Variants in KDR observed in about 807,000 individuals in gnomAD.
The protein encoded by KDR is vascular endothelial growth factor receptor 2.
In KDR, 43 loss-of-function variants were observed where a neutral mutation model predicts 160.9. The ratio of observed to expected loss-of-function variants is 0.27; its 90% confidence interval spans 0.21 to 0.34. KDR has a LOEUF of 0.34. KDR is among the 10% of genes least tolerant of loss of function. The pLI, the probability that KDR is intolerant of heterozygous loss-of-function variation, is 1.00. For missense variants in KDR, 1,469 were observed against 1,666.4 expected (o/e 0.88, Z 2.06); for synonymous variants, 617 against 600.1 (o/e 1.03, Z -0.41).
At chr4:55,114,603 C>T (rs1007373244) in intron 5 of KDR, among the ~76,000 whole-genome samples, 5 of 152,218 alleles carry the variant, frequency 3.3e-5, no homozygotes, top group Non-Finnish European at 5.9e-5. Flanking sequence ...ATGCTCTGAA[C>T]ATTGAATTCT....
At chr4:55,099,088 T>C (rs1720243562) in intron 15 of KDR, among the ~76,000 whole-genome samples, 1 of 151,938 alleles carries the variant, frequency 6.6e-6, no homozygotes, top group African/African-American at 2.4e-5. Context: ...CAATCATAGC[T>C]TATTGCAGCC....
At position 55,107,740 on chromosome 4, in the gene KDR, G is replaced by C. The variant is rs1476714753; in HGVS notation, c.1409C>G (p.Pro470Arg). The C allele has an allele frequency of 6.2e-7, 1 of 1,613,848 alleles. No homozygotes were observed. The highest frequency in any genetic ancestry group is 8.5e-7 in the Non-Finnish European group (1 of 1,179,842). ...AAGAGCATGTGGCCTTACTCACCTG[G>C]GCTCGTTGGCGCACTCTTCCTCCAA... is the stretch of plus-strand genomic sequence containing the variant. ...WQLEEECANE[P>R]SQAVSVTNPY... is the part of the protein sequence containing the mutation. The change falls in exon 10 of 30, where the codon CCC becomes CGC. Residue 470 changes from proline to arginine, a missense_variant. Pro to Arg is a moderately radical substitution (Grantham distance 103). Coordinates refer to ENST00000263923, the MANE Select transcript of KDR (RefSeq NM_002253.4).
chr4:55,095,724 T>TTTATA (rs1466221157), intron 19 of KDR, 59 bp from the exon 20 acceptor site: 2 of 1,248,850 alleles, frequency 1.6e-6, no homozygotes, highest in Non-Finnish European at 2.4e-6. Flanking sequence ...TCACTAAGCG[T>TTTATA]TTAATATAGT....
At chr4:55,087,124 C>T (rs989897414) in intron 27 of KDR, among the ~76,000 whole-genome samples, 2 of 152,166 alleles carry the variant, frequency 1.3e-5, no homozygotes, top group African/African-American at 4.8e-5. Context: ...GTGGGAGGGG[C>T]TTCTGAGATG....
chr4:55,092,766 A>C lies in KDR; in HGVS notation c.2972-52T>G, dbSNP rs375082311. On this transcript the variant is annotated intron_variant, in intron 21 of 29. Transcript: ENST00000263923. ...ATCAGTATTTCCATGAGTTAGTGTGATGTTTCTAAGTTTGCTAGAGTAATA... is the reference window on the plus strand; with the variant it reads ...ATCAGTATTTCCATGAGTTAGTGTGCTGTTTCTAAGTTTGCTAGAGTAATA... 3.9e-6 allele frequency: 5 copies of C among 1,288,632 alleles called. No individual in the cohort carries two copies. The Middle Eastern group carries it at 5.5e-4, about 141-fold the overall frequency. 79.8% of individuals were successfully genotyped at this position (1,288,632 alleles called of 1,614,324 possible). A position where few individuals can be genotyped will look rare whatever the true frequency, so the allele number is the denominator to read the frequency against.
rs1414331016 is a variant in KDR, at chr4:55,090,082, C to CA, written c.3070-5dup. The CA allele has an allele frequency of 6.2e-7, 1 of 1,613,888 alleles. No homozygotes were observed. Among genetic ancestry groups the CA allele is most frequent in the Admixed American group, 1.7e-5 (1 of 60,002 alleles). ...CCGCCAGGTCCCTGTGGATACACTG[C>CA]AAAGAGAATCATGTGTGCATTAGGT... On this transcript the variant is annotated splice_polypyrimidine_tract_variant and splice_region_variant and intron_variant, in intron 22 of 29. Coordinates refer to ENST00000263923, the MANE Select transcript of KDR (RefSeq NM_002253.4).
rs1029284179 is a variant in KDR, at chr4:55,118,947, G to A, written c.162-147C>T. Reference sequence around the variant, plus strand: ...CTACCGGCCAGGCATGGTGGCTCATGCCTATAATCCCAGCACTTTGGGAGG... The same window carrying A: ...CTACCGGCCAGGCATGGTGGCTCATACCTATAATCCCAGCACTTTGGGAGG... On this transcript the variant is annotated intron_variant, in intron 2 of 29. Coordinates refer to ENST00000263923, the MANE Select transcript of KDR (RefSeq NM_002253.4). The A allele has an allele frequency of 6.9e-6, 5 of 722,488 alleles. No homozygotes were observed. The African/African-American group carries it at 7.0e-5, about 10-fold the overall frequency. 44.8% of individuals were successfully genotyped at this position (722,488 alleles called of 1,614,324 possible). A position where few individuals can be genotyped will look rare whatever the true frequency, so the allele number is the denominator to read the frequency against.
chr4:55,084,840 C>G (rs1186083614), intron 27 of KDR, among the ~76,000 whole-genome samples: 3 of 152,200 alleles, frequency 2.0e-5, no homozygotes, highest in African/African-American at 7.2e-5. Context: ...CATGCATGCA[C>G]TGATCATGCA....
In KDR at chr4:55,097,645, C is replaced by T. The variant is rs762572915; in HGVS notation, c.2614+17G>A. Reference sequence around the variant, plus strand: ...GATAAAACAGAAAGATAGATCACCACATAATTTTGCTTTTACCTTTCAACA... The same window carrying T: ...GATAAAACAGAAAGATAGATCACCATATAATTTTGCTTTTACCTTTCAACA... On this transcript the variant is annotated intron_variant, in intron 18 of 29. Transcript: ENST00000263923. The T allele has an allele frequency of 1.0e-5, 15 of 1,477,842 alleles. No homozygotes were observed. The highest frequency in any genetic ancestry group is 1.4e-5 in the Non-Finnish European group (15 of 1,056,138). The allele number at this position is 1,477,842 out of a possible 1,614,324, so 91.5% of individuals were successfully genotyped here. A position where few individuals can be genotyped will look rare whatever the true frequency, so the allele number is the denominator to read the frequency against.
At chr4:55,122,841 CCACAGA>C (rs1720927257) in intron 1 of KDR, 1 of 151,986 alleles carries the variant, frequency 6.6e-6, no homozygotes, top group East Asian at 1.9e-4. Flanking sequence ...AATTATCCTA[CCACAGA>C]TGGTCTATGG....
chr4:55,122,508 G>A (rs1205619769), intron 1 of KDR, among the ~76,000 whole-genome samples: 1 of 152,082 alleles, frequency 6.6e-6, no homozygotes, highest in African/African-American at 2.4e-5. Context: ...GAGAGTATAA[G>A]TAAATACCCA....
chr4:55,094,797 AGT>A lies in KDR; in HGVS notation c.2971+3_2971+4del. The A allele has an allele frequency of 1.2e-6, 2 of 1,612,754 alleles. No homozygotes were observed. The highest frequency in any genetic ancestry group is 1.7e-6 in the Non-Finnish European group (2 of 1,178,750). On this transcript the variant is annotated splice_donor_region_variant and intron_variant, in intron 21 of 29. Coordinates refer to ENST00000263923, the MANE Select transcript of KDR (RefSeq NM_002253.4). ...CCATAGCATGCAGGAAGCACTAGCCAGTACCTTCCTCTTCTTCTACATCACTG... is the reference window on the plus strand; with the variant it reads ...CCATAGCATGCAGGAAGCACTAGCCAACCTTCCTCTTCTTCTACATCACTG...
intron 9 of KDR, among the ~76,000 whole-genome samples, chr4:55,108,858 T>G (rs987939246): frequency 1.3e-5 from 2 of 152,178 alleles, no homozygotes; most frequent in Admixed American, 6.5e-5. Context: ...AGATTATGCT[T>G]TGAAGACTTG....
chr4:55,105,862 C>T lies in KDR; in HGVS notation c.1615G>A (p.Gly539Arg), dbSNP rs55716939. ...ACGTGGAAGGAGATCACCCTCTCTC[C>T]TCTCCCGACTTTGTTGACCGCTTCA... ...KCEAVNKVGRGERVISFHVTR... is the reference protein window; with the variant it reads ...KCEAVNKVGRRERVISFHVTR... The change falls in exon 12 of 30, where the codon GGA (glycine) becomes AGA (arginine). Residue 539 changes from glycine (G) to arginine (R), a missense_variant. Gly to Arg is a moderately radical substitution (Grantham distance 125). Transcript: ENST00000263923. The T allele has an allele frequency of 2.5e-3, 4,097 of 1,612,952 alleles. 6 individuals carry two copies. The highest frequency in any genetic ancestry group is 3.5e-3 in the Middle Eastern group (21 of 6,056).
chr4:55,112,826 G>A (rs757598245), intron 7 of KDR, among the ~76,000 whole-genome samples: 6 of 152,132 alleles, frequency 3.9e-5, no homozygotes, highest in Admixed American at 6.5e-5. Flanking sequence ...CACCGCGCCC[G>A]GCCTATACAT....
intron 27 of KDR, among the ~76,000 whole-genome samples, chr4:55,083,605 T>C (rs940445469): frequency 1.3e-5 from 2 of 152,116 alleles, no homozygotes; most frequent in Non-Finnish European, 2.9e-5. Flanking sequence ...GCTATCAAAA[T>C]CACTTACAGC....
chr4:55,092,430 A>T (rs907351886), intron 22 of KDR, 187 bp downstream of exon 22: 5 of 620,760 alleles, frequency 8.1e-6, no homozygotes, highest in African/African-American at 3.6e-5. Context: ...TATACAGCTT[A>T]ATTTCATGAA....
rs1560519017 is a variant in KDR at position 55,104,735 on chromosome 4, G to A, written c.1895C>T (p.Ala632Val). 4 of 1,613,860 alleles carry A rather than the reference G, an allele frequency of 2.5e-6. No homozygotes were observed. The highest frequency in any genetic ancestry group is 3.4e-6 in the Non-Finnish European group (4 of 1,179,828). The change falls in exon 13 of 30, where the codon GCA becomes GTA. Residue 632 changes from alanine to valine, a missense_variant. By Grantham distance (64) the Ala-to-Val change is moderately conservative. This residue lies in a region of KDR where 792 missense variants were observed against 840.9 expected (regional missense o/e 0.94). Coordinates refer to ENST00000263923, the MANE Select transcript of KDR (RefSeq NM_002253.4). ...NDILIMELKN[A>V]SLQDQGDYVC... ...ATAGTCTCCTTGGTCCTGCAAGGATGCATTCTTAAGCTCCATGATCAAAAT... is the reference window on the plus strand; with the variant it reads ...ATAGTCTCCTTGGTCCTGCAAGGATACATTCTTAAGCTCCATGATCAAAAT...
At position 55,092,623 on chromosome 4, in the gene KDR, C is replaced by T. The variant is rs56203006; in HGVS notation, c.3063G>A (p.Ser1021=). The T allele has an allele frequency of 2.1e-5, 34 of 1,611,002 alleles. No individual in the cohort carries two copies. The highest frequency in any genetic ancestry group is 6.6e-5 in the South Asian group (6 of 91,024). The part of the protein sequence containing the change: ...QVAKGMEFLA[S]RKCIHRDLAA... The stretch of plus-strand genomic sequence containing the variant: ...TCCCCTCAACCTTTCTTACCTTTCG[C>T]GATGCCAAGAACTCCATGCCCTTAG... Residue 1021 remains serine, a synonymous_variant, in exon 22 of 30, where the codon TCG becomes TCA. Coordinates refer to ENST00000263923, the MANE Select transcript of KDR (RefSeq NM_002253.4).
Sources: gnomAD v4.1 joint callset for allele counts (sites outside exome capture counted in the v4.1 genomes callset) on GRCh38, gnomAD v4.1.1 for gene constraint, gnomAD v4.1.1 regional missense constraint, MANE v1.5 for transcripts, NCBI Gene and HGNC (gene_info 2026-07-23, HGNC 2026-07-21) for gene names.